Variants in CLUH observed in about 807,000 individuals in gnomAD.
CLUH encodes the protein CLUH binding protein of NUMT mRNA.
In CLUH, 77 loss-of-function variants were observed where a neutral mutation model predicts 139.3. The ratio of observed to expected loss-of-function variants is 0.55; its 90% CI spans 0.46 to 0.67. The LOEUF (loss-of-function observed/expected upper bound fraction) is 0.67. Ranked by LOEUF, CLUH falls within the 30% of genes least tolerant of loss-of-function variation. The pLI is 0.00. For missense variants in CLUH, 1,876 were observed against 1,875.8 expected (o/e 1.00, Z 0.00); for synonymous variants, 999 against 801.6 (o/e 1.25, Z -4.16).
rs768517917 is a variant in CLUH, at chr17:2,693,954, G to A, written c.3177C>T (p.Cys1059=). The A allele has an allele frequency of 6.1e-5, 98 of 1,613,796 alleles. 3 individuals carry two copies. The South Asian group carries it at 9.1e-4, about 15-fold the overall frequency. Residue 1059 remains cysteine, a synonymous_variant, in exon 19 of 26, where the codon TGC becomes TGT. Transcript: ENST00000651024. ...GGCGGGCGAGGAGGCGCAGGCAGGC[G>A]CAGGTCTCCACGTGCATGGCTCCGT... ...NVYGAMHVET[C]ACLRLLARLH...
At chr17:2,695,997 C>T in intron 13 of CLUH, 162 bp downstream of exon 13, 1 of 636,944 alleles carries the variant, frequency 1.6e-6, no homozygotes, top group South Asian at 1.9e-5. Flanking sequence ...CCCTTGACCT[C>T]TGGGGGTCAG....
At chr17:2,708,355 G>A (rs907061007) in intron 1 of CLUH, among the ~76,000 whole-genome samples, 21 of 152,230 alleles carry the variant, frequency 1.4e-4, no homozygotes, top group Admixed American at 2.0e-4. Context: ...CTAACCCTCC[G>A]GAGAGAGGGG....
chr17:2,693,141 C>CAATAAAAAAAAAAAAAAA (rs1555529823), intron 19 of CLUH, among the ~76,000 whole-genome samples: 1 of 73,784 alleles, frequency 1.4e-5, no homozygotes, highest in Non-Finnish European at 2.3e-5. Flanking sequence ...AAAAATGTTA[C>CAATAAAAAAAAAAAAAAA]AAAAAAAAAA....
At position 2,691,924 on chromosome 17, in the gene CLUH, C is replaced by A. The variant is rs754008556; in HGVS notation, c.3655-29G>T. The A allele has an allele frequency of 1.5e-5, 22 of 1,441,034 alleles. 1 individual carries two copies. The South Asian group carries it at 2.5e-4, about 16-fold the overall frequency. 89.3% of individuals were successfully genotyped at this position (1,441,034 alleles called of 1,614,324 possible). On this transcript the variant is annotated intron_variant, in intron 23 of 25. Transcript: ENST00000651024. ...CGGGGAGGCGGGAAGGGATCAGGCCCCCCCGTGCCCCCGCGGCCCCGCCCC... is the reference window on the plus strand; with the variant it reads ...CGGGGAGGCGGGAAGGGATCAGGCCACCCCGTGCCCCCGCGGCCCCGCCCC...
chr17:2,692,501 G>A lies in CLUH; in HGVS notation c.3439-19C>T. Reference sequence around the variant, plus strand: ...TGTTGTTCTGGGGGCAGGCGGTGGGGGGCCCTGGTCAGCTCCCGGTCCCCT... The same window carrying A: ...TGTTGTTCTGGGGGCAGGCGGTGGGAGGCCCTGGTCAGCTCCCGGTCCCCT... On this transcript the variant is annotated intron_variant, in intron 21 of 25. Transcript: ENST00000651024. 6.3e-7 allele frequency: 1 copy of A among 1,597,034 alleles called. No homozygotes were observed. Among genetic ancestry groups the A allele is most frequent in the Non-Finnish European group, 8.5e-7 (1 of 1,174,522 alleles).
chr17:2,693,397 GAAACAAAC>G (rs367898536), intron 19 of CLUH, among the ~76,000 whole-genome samples: 1,796 of 151,902 alleles, frequency 0.012, 28 homozygotes, highest in African/African-American at 0.035. Flanking sequence ...CCCTGTCTCA[GAAACAAAC>G]AAACAAACAA....
rs2069830715 is a variant in CLUH, at chr17:2,694,111, C to T, written c.3091+12G>A. On this transcript the variant is annotated intron_variant, in intron 18 of 25. Coordinates refer to ENST00000651024, the MANE Select transcript of CLUH (RefSeq NM_001366661.1). ...AACCCCCACCTCCACCCAGCCCCAC[C>T]TGGCCACACACCCTGCTGCACTTTG... 1.2e-6 allele frequency: 2 copies of T among 1,613,950 alleles called. No homozygotes were observed. Among genetic ancestry groups the T allele is most frequent in the Non-Finnish European group, 1.7e-6 (2 of 1,179,854 alleles).
intron 11 of CLUH, 34 bp downstream of exon 11, chr17:2,696,685 C>T (rs947903277): frequency 6.2e-6 from 10 of 1,606,002 alleles, no homozygotes; most frequent in East Asian, 2.2e-5. Flanking sequence ...AGGGCCAGCC[C>T]GGGCTCTCTC....
rs2070307076 is a variant in CLUH, at chr17:2,704,922, C to G, written c.101-358G>C. ...CCCCTCTTCCTCTCCTCTTCTCTGA[C>G]CCCACACAGTGCCCTTGCCCCTCCC... On this transcript the variant is annotated intron_variant, in intron 1 of 25. Coordinates refer to ENST00000651024, the MANE Select transcript of CLUH (RefSeq NM_001366661.1). This position sits in a 1 kb window ranked among gnomAD's most constrained non-coding sequence, Gnocchi z 5.7. Among the ~76,000 whole-genome samples, 1 of 152,152 alleles carries G rather than the reference C, an allele frequency of 6.6e-6. No homozygotes were observed. Among genetic ancestry groups the G allele is most frequent in the South Asian group, 2.1e-4 (1 of 4,834 alleles).
rs749474991 is a variant in CLUH, at chr17:2,701,728, T to C, written c.629A>G (p.Lys210Arg). Residue 210 changes from lysine to arginine, a missense_variant, in exon 5 of 26, where the codon AAG becomes AGG. By Grantham distance (26) the Lys-to-Arg change is conservative. Transcript: ENST00000651024. Reference sequence around the variant, plus strand: ...GTCCATCTCCAAGCCCTTCTTCCGCTTCCCGCTGTCTGAGGGACCCGAGGC... The same window carrying C: ...GTCCATCTCCAAGCCCTTCTTCCGCCTCCCGCTGTCTGAGGGACCCGAGGC... ...FTDGDLGDSG[K>R]RKKGLEMDPI... The C allele has an allele frequency of 5.7e-6, 9 of 1,566,340 alleles. No individual in the cohort carries two copies. Among genetic ancestry groups the C allele is most frequent in the Non-Finnish European group, 6.9e-6 (8 of 1,155,824 alleles).
At position 2,707,543 on chromosome 17, in the gene CLUH, G is replaced by A. The variant is rs1005669372; in HGVS notation, c.101-2979C>T. The A allele has an allele frequency of 7.1e-6, 7 of 985,260 alleles. No individual in the cohort carries two copies. The highest frequency in any genetic ancestry group is 5.2e-5 in the African/African-American group (3 of 57,234). The allele number at this position is 985,260 out of a possible 1,614,324, so 61.0% of individuals were successfully genotyped here. A position where few individuals can be genotyped will look rare whatever the true frequency, so the allele number is the denominator to read the frequency against. ...GCCCCCTAGAGAGGGGGTCACTGCC[G>A]GCAAAGCCGCTAGGGGGATCGGAGA... is the stretch of plus-strand genomic sequence containing the variant. On this transcript the variant is annotated intron_variant, in intron 1 of 25. Coordinates refer to ENST00000651024, the MANE Select transcript of CLUH (RefSeq NM_001366661.1). The surrounding 1 kb of genome is among the most constrained non-coding windows in gnomAD (Gnocchi z 7.4).
At chr17:2,696,103 T>A in intron 13 of CLUH, 56 bp downstream of exon 13, 6 of 1,384,358 alleles carry the variant, frequency 4.3e-6, no homozygotes, top group Non-Finnish European at 6.0e-6. Context: ...CGGAGACAGA[T>A]GAGGGACCAG....
chr17:2,695,742 G>A (rs1393915410), intron 13 of CLUH: 1 of 650,762 alleles, frequency 1.5e-6, no homozygotes, highest in African/African-American at 1.8e-5. Flanking sequence ...AACCATGTGG[G>A]AGAAGCAGAG....
intron 17 of CLUH, 29 bp downstream of exon 17, chr17:2,694,451 A>G (rs747067825): frequency 2.0e-4 from 133 of 661,906 alleles, no homozygotes; most frequent in African/African-American, 9.5e-4. Flanking sequence ...CAGCGGGGAC[A>G]CAGCGGGGAT....
chr17:2,691,945 GCCCCCGCCCCGCCACGC>G lies in CLUH; in HGVS notation c.3654+42_3655-51del, dbSNP rs1567575559. The stretch of plus-strand genomic sequence containing the variant: ...GGCCCCCCCGTGCCCCCGCGGCCCC[GCCCCCGCCCCGCCACGC>G]CCCCGCCCCGCCCCCGCCCCCGCCA... On this transcript the variant is annotated intron_variant, in intron 23 of 25. Coordinates refer to ENST00000651024, the MANE Select transcript of CLUH (RefSeq NM_001366661.1). 273 of 1,172,320 alleles carry G rather than the reference GCCCCCGCCCCGCCACGC, an allele frequency of 2.3e-4. 18 individuals carry two copies. The East Asian group carries it at 4.7e-3, about 20-fold the overall frequency. 72.6% of individuals were successfully genotyped at this position (1,172,320 alleles called of 1,614,324 possible).
intron 13 of CLUH, 70 bp downstream of exon 13, chr17:2,696,089 A>G: frequency 7.8e-7 from 1 of 1,275,840 alleles, no homozygotes; most frequent in Non-Finnish European, 1.1e-6. Flanking sequence ...ATGGGCCTCC[A>G]AGTCGGAGAC....
rs2070255163 is a variant in CLUH at position 2,703,611 on chromosome 17, C to A, written c.304-122G>T. The A allele has an allele frequency of 1.1e-6, 1 of 900,508 alleles. No individual in the cohort carries two copies. Among genetic ancestry groups the A allele is most frequent in the African/African-American group, 1.7e-5 (1 of 60,568 alleles). 55.8% of individuals were successfully genotyped at this position (900,508 alleles called of 1,614,324 possible). ...AGGACAATATCCCCTTGTCCCCAGC[C>A]CAAAGTACCTTGGTCCCCAGAATAA... On this transcript the variant is annotated intron_variant, in intron 2 of 25. Transcript: ENST00000651024. The surrounding 1 kb of genome is among the most constrained non-coding windows in gnomAD (Gnocchi z 4.2).
intron 1 of CLUH, among the ~76,000 whole-genome samples, chr17:2,710,152 C>G (rs892342863): frequency 1.2e-4 from 18 of 152,240 alleles, no homozygotes; most frequent in African/African-American, 3.9e-4. Flanking sequence ...CTTCCCTTAA[C>G]AGCTAAATCG....
intron 22 of CLUH, 45 bp downstream of exon 22, chr17:2,692,316 C>A (rs1160037273): frequency 1.3e-6 from 2 of 1,496,104 alleles, no homozygotes; most frequent in East Asian, 2.4e-5. Context: ...CCGGCTGCCC[C>A]GCAGGCCTCC....
Sources: allele counts gnomAD v4.1 joint callset (sites outside exome capture counted in the v4.1 genomes callset), GRCh38; gene constraint gnomAD v4.1.1; non-coding constraint Gnocchi (gnomAD v3.1); transcripts MANE v1.5; gene names NCBI Gene and HGNC (gene_info 2026-07-23, HGNC 2026-07-21).